QKI: variants seen among roughly 807,000 people sequenced by gnomAD.
The protein encoded by QKI is KH domain-containing RNA-binding protein QKI.
A neutral mutation model predicts 39.0 loss-of-function variants in QKI; 10 were observed. The observed-to-expected ratio is 0.26, with a 90% CI of 0.16 to 0.43. QKI has a LOEUF of 0.43. Among genes scored for constraint, QKI ranks in the 20% least tolerant of loss-of-function variants. The pLI is 1.00. For synonymous variants in QKI, 204 were observed against 155.4 expected (o/e 1.31, Z -2.33); for missense variants, 218 against 428.0 (o/e 0.51, Z 4.33).
chr6:163,552,747 C>A (rs909015598), intron 4 of QKI, among the ~76,000 whole-genome samples: 1 of 152,132 alleles, frequency 6.6e-6, no homozygotes, highest in Non-Finnish European at 1.5e-5. Flanking sequence ...TTTCCCTAGG[C>A]CTTTTCATTT....
At chr6:163,416,247 G>C (rs1787483052) in intron 1 of QKI, 1 of 284,782 alleles carries the variant, frequency 3.5e-6, no homozygotes, top group Non-Finnish European at 7.0e-6. Context: ...GAGCGCTGTG[G>C]GGAGTGAAGA....
chr6:163,455,973 C>T (rs932875291), intron 2 of QKI, among the ~76,000 whole-genome samples: 4 of 152,064 alleles, frequency 2.6e-5, no homozygotes, highest in Non-Finnish European at 5.9e-5. Context: ...TGTTACAAAG[C>T]CCTATATGAT....
At chr6:163,509,478 AG>A (rs35043281) in intron 3 of QKI, among the ~76,000 whole-genome samples, 120,423 of 150,788 alleles carry the variant, frequency 0.8, 48,425 homozygotes, top group East Asian at 0.99. Context: ...CATTTAATAA[AG>A]GGGGGGGGGA....
rs1440676694 is a variant in QKI, at chr6:163,570,467, G to A, written c.1010-227G>A. The A allele has an allele frequency of 5.2e-6, 5 of 970,820 alleles. No homozygotes were observed. The African/African-American group carries it at 9.1e-5, about 18-fold the overall frequency. The allele number at this position is 970,820 out of a possible 1,614,324, so 60.1% of individuals were successfully genotyped here. Reference sequence around the variant, plus strand: ...CAGTTTTTTTTTTTTTTTTGTGGGAGTGGGCTCTTCTTCATTTGTTCAAAT... The same window carrying A: ...CAGTTTTTTTTTTTTTTTTGTGGGAATGGGCTCTTCTTCATTTGTTCAAAT... On this transcript the variant is annotated intron_variant, in intron 7 of 7. Coordinates refer to ENST00000361752, the MANE Select transcript of QKI (RefSeq NM_006775.3).
At chr6:163,508,327 G>A (rs1162605188) in intron 3 of QKI, among the ~76,000 whole-genome samples, 2 of 152,106 alleles carry the variant, frequency 1.3e-5, no homozygotes, top group Non-Finnish European at 2.9e-5. Context: ...AGACTACACT[G>A]AGTTACATCA....
At chr6:163,468,147 A>G (rs778901725) in intron 2 of QKI, among the ~76,000 whole-genome samples, 8 of 152,108 alleles carry the variant, frequency 5.3e-5, no homozygotes, top group African/African-American at 9.7e-5. Flanking sequence ...AAATATACAT[A>G]TACGCTTCTG....
At chr6:163,555,601 A>AACTTGGAG (rs1165981585) in intron 4 of QKI, among the ~76,000 whole-genome samples, 2 of 129,962 alleles carry the variant, frequency 1.5e-5, no homozygotes, top group Admixed American at 1.6e-4. Flanking sequence ...ATAGGAGCCT[A>AACTTGGAG]ACTTGGAGAG....
At chr6:163,422,292 C>A (rs1296416863) in intron 1 of QKI, among the ~76,000 whole-genome samples, 2 of 152,140 alleles carry the variant, frequency 1.3e-5, no homozygotes, top group African/African-American at 4.8e-5. Context: ...AAAGTTGCTT[C>A]ATGTATTAGT....
intron 3 of QKI, among the ~76,000 whole-genome samples, chr6:163,479,915 A>G (rs934123677): frequency 3.3e-5 from 5 of 152,236 alleles, no homozygotes; most frequent in African/African-American, 9.6e-5. Context: ...ACAGAAATCT[A>G]TTAGAAGGAA....
intron 1 of QKI, among the ~76,000 whole-genome samples, chr6:163,444,079 G>A (rs1284453843): frequency 6.6e-6 from 1 of 152,182 alleles, no homozygotes; most frequent in Admixed American, 6.5e-5. Flanking sequence ...AGTAAATTCT[G>A]GTGGCCAGTA....
chr6:163,531,397 G>A (rs1780841278), intron 3 of QKI, among the ~76,000 whole-genome samples: 1 of 152,124 alleles, frequency 6.6e-6, no homozygotes, highest in African/African-American at 2.4e-5. Context: ...TGGGAATTAG[G>A]GAGTGCTTGA....
intron 2 of QKI, among the ~76,000 whole-genome samples, chr6:163,464,778 A>G (rs1289414822): frequency 6.6e-6 from 1 of 152,066 alleles, no homozygotes; most frequent in Non-Finnish European, 1.5e-5. Context: ...ATTACCACCA[A>G]CCCTTCTCAA....
intron 2 of QKI, among the ~76,000 whole-genome samples, chr6:163,469,919 T>A (rs1316323803): frequency 2.2e-4 from 33 of 152,192 alleles, no homozygotes; most frequent in Admixed American, 2.2e-3. Context: ...ATTCTAGACC[T>A]CTTTAGATTA....
chr6:163,522,192 T>TA (rs1194133774), intron 3 of QKI, among the ~76,000 whole-genome samples: 1 of 152,162 alleles, frequency 6.6e-6, no homozygotes, highest in Non-Finnish European at 1.5e-5. Flanking sequence ...TCAACCCTCA[T>TA]ATGTGCTTTT....
At chr6:163,469,188 C>G (rs1792002813) in intron 2 of QKI, among the ~76,000 whole-genome samples, 1 of 152,058 alleles carries the variant, frequency 6.6e-6, no homozygotes, top group African/African-American at 2.4e-5. Flanking sequence ...GTGGTAGAAG[C>G]CCTTTTCTAT....
intron 3 of QKI, among the ~76,000 whole-genome samples, chr6:163,522,320 C>T (rs1012888106): frequency 1.4e-4 from 22 of 152,052 alleles, no homozygotes; most frequent in Non-Finnish European, 3.2e-4. Context: ...CTTGTTCACT[C>T]ACAGGGTGTA....
rs1783660267 is a variant in QKI, at chr6:163,570,775, C to G, written c.*65C>G. 6.3e-7 allele frequency: 1 copy of G among 1,595,674 alleles called. No individual in the cohort carries two copies. The highest frequency in any genetic ancestry group is 8.6e-7 in the Non-Finnish European group (1 of 1,169,320). On this transcript the variant is annotated 3_prime_UTR_variant, in exon 8 of 8. Transcript: ENST00000361752. ...GACCTGACCATGCCTGCCTGCTGAT[C>G]AGTTAACTGGTAATCGCCTTTGCTT...
chr6:163,575,969 T>A lies in QKI; in HGVS notation c.*5259T>A, dbSNP rs1783954685. 1.3e-5 allele frequency: 2 copies of A among 152,152 alleles called. No individual in the cohort carries two copies. The highest frequency in any genetic ancestry group is 6.5e-5 in the Admixed American group (1 of 15,272). 9.4% of individuals were successfully genotyped at this position (152,152 alleles called of 1,614,324 possible). A position where few individuals can be genotyped will look rare whatever the true frequency, so the allele number is the denominator to read the frequency against. ...TGTTACAGCATTTCAAGCAAATTAT[T>A]TTAGGTAGAATAGAACTTACTGCCA... On this transcript the variant is annotated 3_prime_UTR_variant, in exon 8 of 8. Coordinates refer to ENST00000361752, the MANE Select transcript of QKI (RefSeq NM_006775.3).
At chr6:163,564,847 G>C in intron 6 of QKI, 1 of 1,479,072 alleles carries the variant, frequency 6.8e-7, no homozygotes, top group Non-Finnish European at 9.0e-7. Context: ...ATATGACCTT[G>C]GTGCTGCATG....
Sources: allele counts gnomAD v4.1 joint callset (sites outside exome capture counted in the v4.1 genomes callset), GRCh38; gene constraint gnomAD v4.1.1; transcripts MANE v1.5; gene names NCBI Gene and HGNC (gene_info 2026-07-23, HGNC 2026-07-21).